RBPJ: variants seen among roughly 807,000 people sequenced by gnomAD.
The protein encoded by RBPJ is recombination signal binding protein for immunoglobulin kappa J region, also known as recombining binding protein suppressor of hairless.
In RBPJ, 9 loss-of-function variants were observed where a neutral mutation model predicts 67.8. That is an observed-to-expected ratio of 0.13 (90% CI 0.08 to 0.23). The LOEUF (loss-of-function observed/expected upper bound fraction) is 0.23, where lower values mean the gene tolerates loss of function less well. Among genes scored for constraint, RBPJ ranks in the 10% least tolerant of loss-of-function variants. The probability of loss-of-function intolerance (pLI) is 1.00; values close to 1 mark genes in which losing one functional copy is unlikely to be tolerated. For missense variants in RBPJ, 305 were observed against 595.6 expected, an observed-to-expected ratio of 0.51 and a Z score of 5.08; for synonymous variants, 198 against 203.3, an observed-to-expected ratio of 0.97 and a Z score of 0.22.
chr4:26,106,463 C>G, the RBPJ span, among the ~76,000 whole-genome samples: 17 of 152,222 alleles, frequency 1.1e-4, no homozygotes, highest in African/African-American at 4.1e-4. Flanking sequence ...AATTCTGAAG[C>G]TGCCAAATAG....
At chr4:26,255,887 G>T (rs868583893) in intron 1 of RBPJ, among the ~76,000 whole-genome samples, 6 of 142,456 alleles carry the variant, frequency 4.2e-5, no homozygotes, top group Middle Eastern at 3.2e-3. Flanking sequence ...GAAACCTCTG[G>T]CAAGTACTGA....
upstream of RBPJ, chr4:26,320,512 T>G (rs1722902927): frequency 2.1e-6 from 1 of 484,506 alleles, no homozygotes; most frequent in Non-Finnish European, 3.7e-6. Flanking sequence ...AACGTTTGAA[T>G]GAATGAAAAT....
At chr4:26,313,908 T>C (rs1231953397) in intron 1 of RBPJ, among the ~76,000 whole-genome samples, 4 of 152,234 alleles carry the variant, frequency 2.6e-5, no homozygotes, top group Non-Finnish European at 5.9e-5. Flanking sequence ...AATTTTTGTC[T>C]TCTTGCACAT....
intron 1 of RBPJ, among the ~76,000 whole-genome samples, chr4:26,248,199 G>A (rs907882210): frequency 2.0e-5 from 3 of 152,084 alleles, no homozygotes; most frequent in African/African-American, 7.2e-5. Flanking sequence ...GGTGAGGCAG[G>A]AGAATCGCTT....
upstream of RBPJ, among the ~76,000 whole-genome samples, chr4:26,315,336 G>A (rs566298127): frequency 9.3e-5 from 14 of 151,342 alleles, no homozygotes; most frequent in Admixed American, 2.6e-4. Context: ...CTGGGCCGCC[G>A]GGGGTGACAT....
intron 1 of RBPJ, among the ~76,000 whole-genome samples, chr4:26,192,528 T>TGA (rs1205910323): frequency 1.3e-5 from 2 of 152,212 alleles, no homozygotes; most frequent in Non-Finnish European, 2.9e-5. Flanking sequence ...CAGTATCTAA[T>TGA]GAGCACTTAC....
chr4:26,261,085 C>A (rs1448938976), intron 1 of RBPJ, among the ~76,000 whole-genome samples: 6 of 152,054 alleles, frequency 3.9e-5, no homozygotes, highest in African/African-American at 7.2e-5. Flanking sequence ...ATCATGCCCA[C>A]CTCATAGATG....
At chr4:26,278,928 A>G (rs952771762) in intron 1 of RBPJ, among the ~76,000 whole-genome samples, 5 of 152,238 alleles carry the variant, frequency 3.3e-5, no homozygotes, top group African/African-American at 1.2e-4. Flanking sequence ...AGGAGGCCAC[A>G]GTGCCTGGTG....
the RBPJ span, among the ~76,000 whole-genome samples, chr4:26,114,268 G>C: frequency 6.6e-6 from 1 of 152,140 alleles, no homozygotes; most frequent in East Asian, 1.9e-4. Flanking sequence ...AGACCAGCCT[G>C]ACCAACATGG....
chr4:26,361,718 A>G (rs1415444759), intron 1 of RBPJ, among the ~76,000 whole-genome samples: 3 of 152,214 alleles, frequency 2.0e-5, no homozygotes, highest in Admixed American at 1.3e-4. Context: ...TTGTAGCTAC[A>G]TGATGCCACA....
intron 1 of RBPJ, among the ~76,000 whole-genome samples, chr4:26,295,327 G>C (rs563759217): frequency 7.9e-5 from 12 of 152,022 alleles, no homozygotes; most frequent in African/African-American, 2.7e-4. Context: ...ATACGTGTGA[G>C]GGAGAAAGAT....
intron 1 of RBPJ, among the ~76,000 whole-genome samples, chr4:26,243,096 C>T (rs1305343104): frequency 6.6e-6 from 1 of 151,736 alleles, no homozygotes. Context: ...GCATGGTGGC[C>T]GGCGCCTGTA....
intron 1 of RBPJ, among the ~76,000 whole-genome samples, chr4:26,304,805 T>G (rs1722182244): frequency 6.6e-6 from 1 of 151,228 alleles, no homozygotes; most frequent in African/African-American, 2.4e-5. Context: ...TTTTTTTTAC[T>G]TTCTTGATAG....
At chr4:26,307,842 T>G (rs1295639289) in intron 1 of RBPJ, among the ~76,000 whole-genome samples, 4 of 152,238 alleles carry the variant, frequency 2.6e-5, no homozygotes, top group Non-Finnish European at 5.9e-5. Context: ...TAACAATACC[T>G]TAATATAATT....
chr4:26,112,174 T>C, the RBPJ span: 2 of 152,920 alleles, frequency 1.3e-5, no homozygotes, highest in African/African-American at 4.8e-5. Context: ...GAGCTTGTGT[T>C]CACCAAAAAC....
At chr4:26,206,676 A>T (rs1718179365) in intron 1 of RBPJ, among the ~76,000 whole-genome samples, 1 of 150,514 alleles carries the variant, frequency 6.6e-6, no homozygotes. Context: ...ATAAGATATA[A>T]TTTTTTTTGG....
At chr4:26,351,290 G>A (rs1726773466) in intron 1 of RBPJ, among the ~76,000 whole-genome samples, 1 of 152,178 alleles carries the variant, frequency 6.6e-6, no homozygotes, top group African/African-American at 2.4e-5. Flanking sequence ...GAATTAGGGA[G>A]TCCTGAAGGC....
chr4:26,172,945 A>C (rs1716647764), intron 1 of RBPJ, among the ~76,000 whole-genome samples: 1 of 152,164 alleles, frequency 6.6e-6, no homozygotes, highest in Admixed American at 6.6e-5. Flanking sequence ...GGTGGGGGCA[A>C]GTGAAAGGAT....
intron 1 of RBPJ, among the ~76,000 whole-genome samples, chr4:26,250,778 G>T (rs191179678): frequency 1.5e-4 from 23 of 152,168 alleles, no homozygotes; most frequent in Admixed American, 1.4e-3. Flanking sequence ...TGTCTGTTTG[G>T]GTCCCTGTTT....
Sources: gnomAD v4.1 joint callset for allele counts (sites outside exome capture counted in the v4.1 genomes callset) on GRCh38, gnomAD v4.1.1 for gene constraint, MANE v1.5 for transcripts, NCBI Gene and HGNC (gene_info 2026-07-23, HGNC 2026-07-21) for gene names.